The following AK9 variants were observed in gnomAD, a reference collection of about 807,000 sequenced individuals.
AK9 encodes the protein adenylate kinase 9, also known as adenylate kinase domain containing 1.
A neutral mutation model predicts 239.6 loss-of-function variants in AK9; 191 were observed. The observed-to-expected ratio is 0.80, with a 90% CI of 0.71 to 0.90. The LOEUF is 0.90. Among genes scored for constraint, AK9 ranks in the 40% least tolerant of loss-of-function variants. AK9 has a pLI of 0.00. For synonymous variants in AK9, 689 were observed against 721.0 expected, an observed-to-expected ratio of 0.96 and a Z score of 0.71; for missense variants, 1,995 against 2,214.7, an observed-to-expected ratio of 0.90 and a Z score of 1.99.
intron 8 of AK9, among the ~76,000 whole-genome samples, chr6:109,646,408 A>G (rs1359075905): frequency 1.3e-5 from 2 of 152,204 alleles, no homozygotes; most frequent in African/African-American, 4.8e-5. Flanking sequence ...AAATGACATG[A>G]TGGAGCTGAA....
At chr6:109,646,662 T>C (rs1798104349) in intron 8 of AK9, among the ~76,000 whole-genome samples, 1 of 152,152 alleles carries the variant, frequency 6.6e-6, no homozygotes, top group Non-Finnish European at 1.5e-5. Context: ...TGGAAAACAC[T>C]CTTCAGGATA....
chr6:109,669,399 G>T (rs953814243), intron 5 of AK9, among the ~76,000 whole-genome samples: 9 of 151,998 alleles, frequency 5.9e-5, no homozygotes, highest in African/African-American at 1.9e-4. Flanking sequence ...CTGCCTGACT[G>T]CCCTGGCCAG....
At chr6:109,494,679 G>A (rs1247349351) in intron 39 of AK9, 2 of 152,136 alleles carry the variant, frequency 1.3e-5, no homozygotes, top group African/African-American at 4.8e-5. Context: ...TTATAGGCAA[G>A]TTGAAAAAAT....
chr6:109,596,523 G>T (rs549704759), intron 17 of AK9, among the ~76,000 whole-genome samples: 2 of 152,344 alleles, frequency 1.3e-5, no homozygotes, highest in South Asian at 4.1e-4. Flanking sequence ...CTGGCATGGA[G>T]TGGAAAGGAT....
chr6:109,574,762 G>A (rs1251677319), intron 20 of AK9, among the ~76,000 whole-genome samples: 1 of 151,908 alleles, frequency 6.6e-6, no homozygotes, highest in Non-Finnish European at 1.5e-5. Context: ...TTTGTTCCAT[G>A]GAAAAGTTCT....
In AK9 at chr6:109,672,141, C is replaced by T; in HGVS notation, c.208G>A (p.Ala70Thr). Residue 70 changes from alanine (A) to threonine (T), a missense_variant, in exon 4 of 41, where the codon GCT becomes ACT. Physicochemically the swap from Ala to Thr is moderately conservative, Grantham distance 58 (BLOSUM62 0). Transcript: ENST00000424296. ...ATAACTCCTGATTCGGTTTCAGCAG[C>T]AATCTGTTCTTCTAAAATTGGCAAA... is the stretch of plus-strand genomic sequence containing the variant. The part of the protein sequence containing the change: ...EALPILEEQI[A>T]AETESGVMLQ... The T allele has an allele frequency of 6.2e-7, 1 of 1,613,184 alleles. No homozygotes were observed.
intron 35 of AK9, among the ~76,000 whole-genome samples, chr6:109,500,118 T>TA (rs1278929895): frequency 7.1e-4 from 107 of 151,298 alleles, no homozygotes; most frequent in Admixed American, 3.7e-3. Context: ...TTGCTACATT[T>TA]AAAAAAAACC....
chr6:109,556,929 T>A (rs1188277915), intron 24 of AK9, among the ~76,000 whole-genome samples: 1 of 151,892 alleles, frequency 6.6e-6, no homozygotes, highest in Non-Finnish European at 1.5e-5. Context: ...AAGGTTAACA[T>A]GCTCCTTTAA....
At chr6:109,585,026 T>C (rs1789314349) in intron 19 of AK9, 97 bp downstream of exon 19, 1 of 801,040 alleles carries the variant, frequency 1.2e-6, no homozygotes. Context: ...AATTATCATT[T>C]CAATATTAAA....
chr6:109,637,757 A>G (rs1796905433), intron 10 of AK9, among the ~76,000 whole-genome samples: 1 of 152,222 alleles, frequency 6.6e-6, no homozygotes, highest in Admixed American at 6.5e-5. Flanking sequence ...CCTTTAGCTG[A>G]AGATTATTCA....
intron 29 of AK9, among the ~76,000 whole-genome samples, chr6:109,522,362 A>C (rs1779958163): frequency 6.6e-6 from 1 of 151,744 alleles, no homozygotes; most frequent in African/African-American, 2.4e-5. Flanking sequence ...TTCTTAGAAT[A>C]TTTCCTTCTT....
intron 17 of AK9, among the ~76,000 whole-genome samples, chr6:109,602,975 A>C (rs529859353): frequency 6.6e-6 from 1 of 152,292 alleles, no homozygotes; most frequent in South Asian, 2.1e-4. Flanking sequence ...CCATTCGTCT[A>C]ATCTTTTTTC....
At position 109,523,101 on chromosome 6, in the gene AK9, A is replaced by T. The variant is rs1582827295; in HGVS notation, c.3633+5910T>A. Among the ~76,000 whole-genome samples, 2 of 152,284 alleles carry T rather than the reference A, an allele frequency of 1.3e-5. 1 individual carries two copies. The highest frequency in any genetic ancestry group is 3.9e-4 in the East Asian group (2 of 5,190). ...TACACTTTCTAGATATTCAAATTAT[A>T]TACAAATAATGAGTTTTATTCTTAC... On this transcript the variant is annotated intron_variant, in intron 29 of 40. Transcript: ENST00000424296.
chr6:109,518,893 G>T (rs906545449), intron 29 of AK9, among the ~76,000 whole-genome samples: 3 of 151,658 alleles, frequency 2.0e-5, no homozygotes, highest in African/African-American at 4.8e-5. Context: ...TGAAGTTTGG[G>T]GTATGATTGA....
At chr6:109,649,986 A>T (rs1464711098) in intron 8 of AK9, among the ~76,000 whole-genome samples, 1 of 152,218 alleles carries the variant, frequency 6.6e-6, no homozygotes, top group East Asian at 1.9e-4. Flanking sequence ...CAATGGGGAA[A>T]GGATTCCCTA....
At position 109,547,846 on chromosome 6, in the gene AK9, C is replaced by CAAAA. The variant is rs55899214; in HGVS notation, c.2965-1723_2965-1720dup. Among the ~76,000 whole-genome samples the CAAAA allele has an allele frequency of 4.4e-3, 536 of 121,762 alleles. 4 individuals are homozygous for CAAAA. Among genetic ancestry groups the CAAAA allele is most frequent in the African/African-American group, 0.017 (516 of 29,708 alleles). The allele number at this position is 121,762 out of a possible 152,430, so 79.9% of individuals were successfully genotyped here. A position where few individuals can be genotyped will look rare whatever the true frequency, so the allele number is the denominator to read the frequency against. ...ATAAAGAACTCAAACAGCTCAGTAGCAAAAAAAAAAAAAAAAAAACCCAAA... is the reference window on the plus strand; with the variant it reads ...ATAAAGAACTCAAACAGCTCAGTAGCAAAAAAAAAAAAAAAAAAAAAAACCCAAA... On this transcript the variant is annotated intron_variant, in intron 25 of 40. Transcript: ENST00000424296.
rs1220313293 is a variant in AK9, at chr6:109,533,302, CT to C, written c.3518del (p.Lys1173ArgfsTer4). 1 of 1,611,060 alleles carries C rather than the reference CT, an allele frequency of 6.2e-7. No homozygotes were observed. On this transcript the variant is annotated frameshift_variant, in exon 28 of 41. Transcript: ENST00000424296. LOFTEE classifies it high-confidence loss of function. ...TCAGTTTCTTCCTTTCTAATTTCTTCTTTTGTTTTAGTTTCCACTTTTCAAT... is the reference window on the plus strand; with the variant it reads ...TCAGTTTCTTCCTTTCTAATTTCTTCTTTGTTTTAGTTTCCACTTTTCAAT... ...AQIEKWKLKQ[K>X]KKLERKKLIK...
chr6:109,671,056 G>A (rs1484858484), intron 5 of AK9, among the ~76,000 whole-genome samples: 1 of 152,070 alleles, frequency 6.6e-6, no homozygotes, highest in Non-Finnish European at 1.5e-5. Flanking sequence ...ATACACATGA[G>A]CTATATGAAA....
intron 8 of AK9, among the ~76,000 whole-genome samples, chr6:109,652,015 A>G (rs1410879774): frequency 1.3e-5 from 2 of 152,214 alleles, no homozygotes. Context: ...AATTATTCCA[A>G]TCAATAGAAA....
Sources: gnomAD v4.1 joint callset for allele counts (sites outside exome capture counted in the v4.1 genomes callset) on GRCh38, gnomAD v4.1.1 for gene constraint, MANE v1.5 for transcripts, NCBI Gene and HGNC (gene_info 2026-07-23, HGNC 2026-07-21) for gene names.